RBFOX1: variants seen among roughly 807,000 people sequenced by gnomAD.
The protein encoded by RBFOX1 is RNA binding fox-1 homolog 1.
A neutral mutation model predicts 57.7 loss-of-function variants in RBFOX1; 8 were observed. The observed-to-expected ratio is 0.14, with a 90% CI of 0.08 to 0.25. The LOEUF is 0.25. Ranked by LOEUF, RBFOX1 falls within the 10% of genes least tolerant of loss-of-function variation. The pLI is 1.00. For missense variants in RBFOX1, 611 were observed against 548.5 expected, an observed-to-expected ratio of 1.11 and a Z score of -1.14; for synonymous variants, 326 against 222.4, an observed-to-expected ratio of 1.47 and a Z score of -4.15.
chr16:7,498,830 C>G (rs569100334), intron 4 of RBFOX1, among the ~76,000 whole-genome samples: 1 of 152,166 alleles, frequency 6.6e-6, no homozygotes, highest in South Asian at 2.1e-4. Flanking sequence ...ATTACAATAT[C>G]TGCTTCACAG....
intron 4 of RBFOX1, among the ~76,000 whole-genome samples, chr16:5,891,258 C>G (rs2058039074): frequency 6.6e-6 from 1 of 152,098 alleles, no homozygotes; most frequent in African/African-American, 2.4e-5. Flanking sequence ...TGGTAGAAGC[C>G]AAGGGCACGG....
At chr16:5,831,054 T>C (rs1749433991) in intron 3 of RBFOX1, among the ~76,000 whole-genome samples, 2 of 152,190 alleles carry the variant, frequency 1.3e-5, no homozygotes, top group African/African-American at 4.8e-5. Flanking sequence ...TAATATCTGT[T>C]CTCCTTACCC....
intron 1 of RBFOX1, among the ~76,000 whole-genome samples, chr16:5,359,292 C>A (rs1202457527): frequency 6.6e-6 from 1 of 152,178 alleles, no homozygotes; most frequent in East Asian, 1.9e-4. Context: ...GCAGAAATCT[C>A]CTTGATATAC....
chr16:5,725,284 C>G (rs2052100465), intron 3 of RBFOX1, among the ~76,000 whole-genome samples: 1 of 152,002 alleles, frequency 6.6e-6, no homozygotes, highest in Non-Finnish European at 1.5e-5. Context: ...TGCTCTGTCT[C>G]CCAGGCAGAA....
intron 4 of RBFOX1, among the ~76,000 whole-genome samples, chr16:7,223,257 G>A (rs1239306985): frequency 6.6e-6 from 1 of 152,218 alleles, no homozygotes; most frequent in East Asian, 1.9e-4. Context: ...ACCTCTAGGG[G>A]AGTCTGCATA....
chr16:6,531,298 G>T (rs2096654743), intron 2 of RBFOX1, among the ~76,000 whole-genome samples: 2 of 152,164 alleles, frequency 1.3e-5, no homozygotes, highest in Admixed American at 1.3e-4. Context: ...TCCCCTTGTT[G>T]CAGGAGCCTC....
At chr16:6,061,341 A>C (rs1596841209) in intron 1 of RBFOX1, among the ~76,000 whole-genome samples, 1 of 152,298 alleles carries the variant, frequency 6.6e-6, no homozygotes, top group East Asian at 1.9e-4. Flanking sequence ...AATGGGTGTA[A>C]GCGACAAGTG....
intron 4 of RBFOX1, among the ~76,000 whole-genome samples, chr16:5,980,744 G>T (rs893754350): frequency 2.0e-5 from 3 of 152,136 alleles, no homozygotes; most frequent in African/African-American, 7.2e-5. Flanking sequence ...TAGCAGGTAG[G>T]TGTGTGTGCG....
At chr16:7,362,038 TAGTG>T (rs1394131407) in intron 4 of RBFOX1, among the ~76,000 whole-genome samples, 5 of 151,618 alleles carry the variant, frequency 3.3e-5, no homozygotes, top group South Asian at 4.2e-4. Flanking sequence ...GTACATGTGT[TAGTG>T]TGTGTGTTTT....
intron 2 of RBFOX1, among the ~76,000 whole-genome samples, chr16:6,575,786 G>A (rs969561358): frequency 1.3e-4 from 19 of 151,592 alleles, no homozygotes; most frequent in African/African-American, 4.6e-4. Flanking sequence ...GAACCCAGGA[G>A]GTGGAGGTTG....
chr16:6,231,989 A>T (rs2097465183), intron 1 of RBFOX1, among the ~76,000 whole-genome samples: 1 of 152,188 alleles, frequency 6.6e-6, no homozygotes, highest in South Asian at 2.1e-4. Flanking sequence ...GTGGATTTGT[A>T]CTTCCCTCGT....
rs574979186 is a variant in RBFOX1, at chr16:7,525,519, G to A, written c.270+7130G>A. On this transcript the variant is annotated intron_variant, in intron 5 of 15. Coordinates refer to ENST00000550418, the MANE Select transcript of RBFOX1 (RefSeq NM_018723.4). Reference sequence around the variant, plus strand: ...AATTACCCTACAGAGAGCTTGCACCGATTTGCACCCTCATGGACAGAACCT... The same window carrying A: ...AATTACCCTACAGAGAGCTTGCACCAATTTGCACCCTCATGGACAGAACCT... Among the ~76,000 whole-genome samples the A allele has an allele frequency of 3.9e-5, 6 of 152,222 alleles. No individual in the cohort carries two copies. The South Asian group carries it at 6.2e-4, about 16-fold the overall frequency.
intron 1 of RBFOX1, among the ~76,000 whole-genome samples, chr16:5,425,059 C>A (rs1358955202): frequency 3.4e-5 from 2 of 58,508 alleles, no homozygotes; most frequent in East Asian, 1.3e-3. Context: ...CTCCTTCCTT[C>A]CTTTCTTATC....
chr16:6,984,688 T>A (rs758406591), intron 3 of RBFOX1, among the ~76,000 whole-genome samples: 1 of 152,146 alleles, frequency 6.6e-6, no homozygotes, highest in African/African-American at 2.4e-5. Flanking sequence ...TTGACCAGGC[T>A]GGAGTGCAGT....
chr16:5,525,076 A>C (rs2044186122), intron 2 of RBFOX1, among the ~76,000 whole-genome samples: 1 of 152,152 alleles, frequency 6.6e-6, no homozygotes, highest in Non-Finnish European at 1.5e-5. Context: ...TTCTTTCTCA[A>C]CACTGCTCCC....
chr16:5,955,741 A>G (rs1002520288), intron 4 of RBFOX1, among the ~76,000 whole-genome samples: 2 of 152,206 alleles, frequency 1.3e-5, no homozygotes, highest in African/African-American at 4.8e-5. Context: ...TCTAATACAC[A>G]AAATGGAAAT....
At chr16:5,674,168 A>T (rs1202685875) in intron 3 of RBFOX1, among the ~76,000 whole-genome samples, 1 of 152,224 alleles carries the variant, frequency 6.6e-6, no homozygotes, top group Non-Finnish European at 1.5e-5. Flanking sequence ...GAAGTGGGGC[A>T]TGTAATTAAG....
At chr16:7,448,344 A>G (rs573628849) in intron 4 of RBFOX1, among the ~76,000 whole-genome samples, 3 of 152,330 alleles carry the variant, frequency 2.0e-5, no homozygotes, top group South Asian at 2.1e-4. Flanking sequence ...AAAATTTACA[A>G]AGAAAAAGAG....
At chr16:5,923,107 C>G (rs909734969) in intron 4 of RBFOX1, among the ~76,000 whole-genome samples, 1 of 152,132 alleles carries the variant, frequency 6.6e-6, no homozygotes, top group African/African-American at 2.4e-5. Context: ...GATAATTTTG[C>G]TGTGCACCAA....
Sources: allele counts gnomAD v4.1 joint callset (sites outside exome capture counted in the v4.1 genomes callset), GRCh38; gene constraint gnomAD v4.1.1; transcripts MANE v1.5; gene names NCBI Gene and HGNC (gene_info 2026-07-23, HGNC 2026-07-21).